The following KIF24 variants were observed in gnomAD, a reference collection of about 807,000 sequenced individuals.
The protein encoded by KIF24 is kinesin-like protein KIF24.
In KIF24, 81 loss-of-function variants were observed where a neutral mutation model predicts 118.9. That is an observed-to-expected ratio of 0.68 (90% CI 0.57 to 0.82). KIF24 has a LOEUF of 0.82. Among genes scored for constraint, KIF24 ranks in the 40% least tolerant of loss-of-function variants. The pLI, the probability that KIF24 is intolerant of heterozygous loss-of-function variation, is 0.00. For synonymous variants in KIF24, 599 were observed against 610.0 expected (o/e 0.98, Z 0.27); for missense variants, 1,560 against 1,661.6 (o/e 0.94, Z 1.06).
intron 6 of KIF24, among the ~76,000 whole-genome samples, chr9:34,275,262 T>C (rs1185033271): frequency 6.6e-6 from 1 of 151,830 alleles, no homozygotes; most frequent in Non-Finnish European, 1.5e-5. Context: ...GGTATGGTGA[T>C]GTACACTTGT....
Position 34,297,505 on chromosome 9 carries a change from G to A in KIF24, c.814-391C>T, listed in dbSNP as rs147379896. Among the ~76,000 whole-genome samples the A allele has an allele frequency of 3.7e-3, 566 of 152,268 alleles. 3 individuals are homozygous for A. The highest frequency in any genetic ancestry group is 0.013 in the African/African-American group (551 of 41,562). On this transcript the variant is annotated intron_variant, in intron 3 of 12. Coordinates refer to ENST00000402558, the MANE Select transcript of KIF24 (RefSeq NM_194313.4). ...TGATCTGGCGCAGTGGCTCACGCCT[G>A]TAATCCCAACATTTTGGGAGGCCGA...
chr9:34,257,703 C>T lies in KIF24; in HGVS notation c.1904G>A (p.Gly635Glu). The change falls in exon 11 of 13, where the codon GGG (glycine) becomes GAG (glutamate). Residue 635 changes from glycine to glutamate, a missense_variant. Gly to Glu is a moderately conservative substitution (Grantham distance 98). This residue lies in a region of KIF24 where 964 missense variants were observed against 988.0 expected (regional missense o/e 0.98). Coordinates refer to ENST00000402558, the MANE Select transcript of KIF24 (RefSeq NM_194313.4). ...KVSGKRGGSR[G>E]SPSQEWVIHA... ...AATGACCCACTCTTGTGAAGGACTCCCTCTGGAGCCACCCCTTTTACCAGA... is the reference window on the plus strand; with the variant it reads ...AATGACCCACTCTTGTGAAGGACTCTCTCTGGAGCCACCCCTTTTACCAGA... 6.2e-7 allele frequency: 1 copy of T among 1,614,024 alleles called. No individual in the cohort carries two copies. Among genetic ancestry groups the T allele is most frequent in the African/African-American group, 1.3e-5 (1 of 75,054 alleles).
chr9:34,252,801 G>C lies in KIF24; in HGVS notation c.*1579C>G, dbSNP rs185916299. On this transcript the variant is annotated 3_prime_UTR_variant, in exon 13 of 13. Coordinates refer to ENST00000402558, the MANE Select transcript of KIF24 (RefSeq NM_194313.4). ...AGTTGGGATAGGCTGGGCCTTCAGG[G>C]GGATCACCCAGTAAAAGAGGAAGAA... 6.6e-6 allele frequency: 1 copy of C among 152,114 alleles called. No individual in the cohort carries two copies. Among genetic ancestry groups the C allele is most frequent in the Non-Finnish European group, 1.5e-5 (1 of 68,064 alleles). The allele number at this position is 152,114 out of a possible 1,614,324, so 9.4% of individuals were successfully genotyped here.
chr9:34,317,422 G>GTTTTTA (rs2131825576), intron 1 of KIF24, among the ~76,000 whole-genome samples: 1 of 151,972 alleles, frequency 6.6e-6, no homozygotes, highest in Admixed American at 6.6e-5. Flanking sequence ...ACTGGTTGTT[G>GTTTTTA]TTTTTAGATT....
intron 5 of KIF24, among the ~76,000 whole-genome samples, chr9:34,287,059 T>C (rs183451549): frequency 6.6e-6 from 1 of 152,304 alleles, no homozygotes; most frequent in African/African-American, 2.4e-5. Flanking sequence ...GGTTGTTAGA[T>C]GCCTGGTGAA....
At chr9:34,260,116 C>A (rs977664687) in intron 9 of KIF24, among the ~76,000 whole-genome samples, 2 of 151,998 alleles carry the variant, frequency 1.3e-5, no homozygotes, top group African/African-American at 4.8e-5. Context: ...CCCAGCTACT[C>A]AAAAGGCTGA....
chr9:34,311,138 G>A lies in KIF24; in HGVS notation c.209C>T (p.Ala70Val), dbSNP rs368709517. The change falls in exon 2 of 13, where the codon GCA becomes GTA. Residue 70 changes from alanine to valine, a missense_variant. Physicochemically the swap from Ala to Val is moderately conservative, Grantham distance 64 (BLOSUM62 0). Transcript: ENST00000402558. Reference sequence around the variant, plus strand: ...AAGATGACGCTCTGGGATACTGACTGCTTTATCTTCTTCTTGCATAATCTT... The same window carrying A: ...AAGATGACGCTCTGGGATACTGACTACTTTATCTTCTTCTTGCATAATCTT... ...IIKIMQEEDK[A>V]VSIPERHLQT... 3.7e-6 allele frequency: 6 copies of A among 1,613,454 alleles called. No homozygotes were observed. The African/African-American group carries it at 5.3e-5, about 14-fold the overall frequency.
At chr9:34,305,272 C>G (rs1316963149) in intron 3 of KIF24, among the ~76,000 whole-genome samples, 1 of 152,140 alleles carries the variant, frequency 6.6e-6, no homozygotes, top group Non-Finnish European at 1.5e-5. Context: ...TTTATTTAAA[C>G]CCTTATATGT....
Position 34,254,205 on chromosome 9 carries a change from G to A in KIF24, c.*175C>T. 1 of 578,340 alleles carries A rather than the reference G, an allele frequency of 1.7e-6. No individual in the cohort carries two copies. Among genetic ancestry groups the A allele is most frequent in the Non-Finnish European group, 2.8e-6 (1 of 351,250 alleles). The allele number at this position is 578,340 out of a possible 1,614,324, so 35.8% of individuals were successfully genotyped here. The stretch of plus-strand genomic sequence containing the variant: ...AACTGAGGGACAGGGGCCTGTCCCT[G>A]AGGGAGAAGCTGGGACCTATCTGAA... On this transcript the variant is annotated 3_prime_UTR_variant, in exon 13 of 13. Transcript: ENST00000402558.
intron 4 of KIF24, among the ~76,000 whole-genome samples, chr9:34,294,576 TCATA>T (rs1836389717): frequency 6.6e-6 from 1 of 152,074 alleles, no homozygotes; most frequent in Non-Finnish European, 1.5e-5. Flanking sequence ...CATACTTTAT[TCATA>T]AAGTCCAAAG....
chr9:34,310,661 G>A, intron 2 of KIF24, 63 bp downstream of exon 2: 1 of 1,223,384 alleles, frequency 8.2e-7, no homozygotes, highest in Non-Finnish European at 1.1e-6. Flanking sequence ...TGGACATGAA[G>A]GAGAGGCCTG....
intron 1 of KIF24, among the ~76,000 whole-genome samples, chr9:34,317,172 C>T (rs1456467607): frequency 6.6e-6 from 1 of 151,242 alleles, no homozygotes. Context: ...GAGCTGAGAT[C>T]GCGCCATTGC....
At chr9:34,260,666 T>C (rs888731632) in intron 9 of KIF24, among the ~76,000 whole-genome samples, 4 of 152,190 alleles carry the variant, frequency 2.6e-5, no homozygotes, top group Non-Finnish European at 5.9e-5. Context: ...AATGGGGAAC[T>C]TGTCTTAAAA....
At position 34,311,008 on chromosome 9, in the gene KIF24, A is replaced by G. The variant is rs1276539048; in HGVS notation, c.339T>C (p.Asn113=). 1 of 1,613,928 alleles carries G rather than the reference A, an allele frequency of 6.2e-7. No individual in the cohort carries two copies. The change falls in exon 2 of 13, where the codon AAT becomes AAC. Residue 113 remains asparagine, a synonymous_variant. Coordinates refer to ENST00000402558, the MANE Select transcript of KIF24 (RefSeq NM_194313.4). The part of the protein sequence containing the change: ...PADNKDRNAS[N]DGFEMCSLSD... Reference sequence around the variant, plus strand: ...ATAAACTGCACATTTCAAACCCATCATTGCTGGCATTTCTGTCTTTATTGT... The same window carrying G: ...ATAAACTGCACATTTCAAACCCATCGTTGCTGGCATTTCTGTCTTTATTGT...
At chr9:34,281,771 G>C (rs748849104) in intron 6 of KIF24, among the ~76,000 whole-genome samples, 1 of 152,144 alleles carries the variant, frequency 6.6e-6, no homozygotes, top group Non-Finnish European at 1.5e-5. Flanking sequence ...CTCCCTGGAG[G>C]AGTGTACCAT....
chr9:34,261,268 G>A (rs1162268610), intron 9 of KIF24, among the ~76,000 whole-genome samples: 1 of 152,134 alleles, frequency 6.6e-6, no homozygotes, highest in Non-Finnish European at 1.5e-5. Flanking sequence ...GTCTTCCACT[G>A]TGCACAGGAC....
At chr9:34,304,940 AAG>A in intron 3 of KIF24, among the ~76,000 whole-genome samples, 1 of 152,272 alleles carries the variant, frequency 6.6e-6, no homozygotes, top group Non-Finnish European at 1.5e-5. Context: ...GCAAGAGAAC[AAG>A]AGAGAGAGAA....
intron 4 of KIF24, among the ~76,000 whole-genome samples, chr9:34,296,114 G>A (rs1349853113): frequency 1.0e-4 from 15 of 150,524 alleles, no homozygotes; most frequent in Non-Finnish European, 1.0e-4. Flanking sequence ...AGCTACTCAG[G>A]AGGCTGAGGC....
chr9:34,300,430 G>A (rs1388695481), intron 3 of KIF24, among the ~76,000 whole-genome samples: 2 of 151,220 alleles, frequency 1.3e-5, no homozygotes, highest in Non-Finnish European at 2.9e-5. Context: ...GTGCAGTGGC[G>A]TGATCTTGGC....
Sources: gnomAD v4.1 joint callset for allele counts (sites outside exome capture counted in the v4.1 genomes callset) on GRCh38, gnomAD v4.1.1 for gene constraint, gnomAD v4.1.1 regional missense constraint, MANE v1.5 for transcripts, NCBI Gene and HGNC (gene_info 2026-07-23, HGNC 2026-07-21) for gene names.